LPAR6: variants seen among roughly 807,000 people sequenced by gnomAD.
LPAR6 encodes G-protein coupled purinergic receptor P2Y5.
In LPAR6, 17 loss-of-function variants were observed where a neutral mutation model predicts 22.0. The observed-to-expected ratio is 0.77, with a 90% CI of 0.53 to 1.16. The LOEUF (loss-of-function observed/expected upper bound fraction) is 1.16, where lower values mean the gene tolerates loss of function less well. Ranked by LOEUF, LPAR6 falls within the 50% of genes most tolerant of loss-of-function variation. The pLI is 0.00. For missense variants in LPAR6, 384 were observed against 406.9 expected, an observed-to-expected ratio of 0.94 and a Z score of 0.48; for synonymous variants, 136 against 139.8, an observed-to-expected ratio of 0.97 and a Z score of 0.19.
chr13:48,423,590 A>G (rs981506117), intron 1 of LPAR6, among the ~76,000 whole-genome samples: 11 of 152,248 alleles, frequency 7.2e-5, no homozygotes, highest in Non-Finnish European at 1.5e-4. Flanking sequence ...TCAAAGAGGA[A>G]TCGATTAAAA....
downstream of LPAR6, among the ~76,000 whole-genome samples, chr13:48,410,318 A>G (rs1317996049): frequency 2.0e-5 from 3 of 152,210 alleles, no homozygotes; most frequent in Non-Finnish European, 4.4e-5. Flanking sequence ...AGTTGCCTAC[A>G]GTATTCTTTG....
At chr13:48,433,268 G>A (rs1368882065) in intron 1 of LPAR6, among the ~76,000 whole-genome samples, 2 of 150,106 alleles carry the variant, frequency 1.3e-5, no homozygotes, top group Non-Finnish European at 3.0e-5. Flanking sequence ...AGTATACCTG[G>A]GTAAATATAG....
intron 1 of LPAR6, among the ~76,000 whole-genome samples, chr13:48,433,703 G>C (rs751545561): frequency 4.8e-5 from 6 of 125,826 alleles, no homozygotes; most frequent in Non-Finnish European, 1.7e-5. Context: ...TTTACCTTTA[G>C]TAGGTATGCA....
chr13:48,433,197 T>TA (rs1198291360), intron 1 of LPAR6, among the ~76,000 whole-genome samples: 1 of 152,114 alleles, frequency 6.6e-6, no homozygotes, highest in Non-Finnish European at 1.5e-5. Context: ...TTATTAGAAA[T>TA]AGATTCTTTT....
chr13:48,426,888 ATCAGCTTCTCC>A (rs1566221665), exon 1 of LPAR6: 1 of 152,296 alleles, frequency 6.6e-6, no homozygotes, highest in African/African-American at 2.4e-5. Flanking sequence ...GAAGCATGGC[ATCAGCTTCTCC>A]TCAGCTTCTG....
At chr13:48,389,710 C>A (rs1276008413) in exon 2 of LPAR6, 4 of 152,296 alleles carry the variant, frequency 2.6e-5, no homozygotes, top group African/African-American at 4.8e-5. Flanking sequence ...TGCTTCTTCA[C>A]TCACAGGTCT....
downstream of LPAR6, among the ~76,000 whole-genome samples, chr13:48,410,199 G>A (rs182779618): frequency 6.6e-6 from 1 of 152,260 alleles, no homozygotes; most frequent in African/African-American, 2.4e-5. Flanking sequence ...TAGCATTTTG[G>A]TCAATGACCG....
At chr13:48,396,961 G>A (rs554243350) in intron 1 of LPAR6, among the ~76,000 whole-genome samples, 2 of 152,214 alleles carry the variant, frequency 1.3e-5, no homozygotes, top group Admixed American at 6.5e-5. Context: ...TCTCATGCCA[G>A]TTAGAATGGT....
downstream of LPAR6, among the ~76,000 whole-genome samples, chr13:48,409,570 ATTTTTTTTTTTTTTTTT>A (rs5803435): frequency 3.4e-5 from 2 of 59,668 alleles, no homozygotes; most frequent in Non-Finnish European, 5.8e-5. Flanking sequence ...GAACTGCTTG[ATTTTTTTTTTTTTTTTT>A]TTTTTTTTTT....
chr13:48,397,775 T>TA, intron 1 of LPAR6, among the ~76,000 whole-genome samples: 1 of 152,202 alleles, frequency 6.6e-6, no homozygotes. Context: ...TTGACAAACT[T>TA]ATAAACAAAA....
chr13:48,437,087 CAG>C (rs1949191850), intron 1 of LPAR6, among the ~76,000 whole-genome samples: 2 of 152,172 alleles, frequency 1.3e-5, no homozygotes, highest in Admixed American at 1.3e-4. Flanking sequence ...TCATGTAGAA[CAG>C]ACTTATAGCT....
chr13:48,423,629 C>A (rs893184684), intron 1 of LPAR6, among the ~76,000 whole-genome samples: 1 of 151,748 alleles, frequency 6.6e-6, no homozygotes, highest in Non-Finnish European at 1.5e-5. Context: ...TTAAAAGTTT[C>A]GAAGGCCATA....
chr13:48,414,650 A>G (rs936892045), upstream of LPAR6, among the ~76,000 whole-genome samples: 5 of 144,758 alleles, frequency 3.5e-5, no homozygotes, highest in Non-Finnish European at 7.8e-5. Context: ...TAGCTTAAAA[A>G]TAACTTATTA....
At chr13:48,402,844 A>G (rs1371454919) in intron 1 of LPAR6, among the ~76,000 whole-genome samples, 1 of 152,142 alleles carries the variant, frequency 6.6e-6, no homozygotes, top group Non-Finnish European at 1.5e-5. Context: ...TTTTTGTCCA[A>G]TAATTTTGGC....
chr13:48,424,194 T>C (rs1450642012), intron 1 of LPAR6: 1 of 152,532 alleles, frequency 6.6e-6, no homozygotes, highest in African/African-American at 2.4e-5. Context: ...TGACAGAATA[T>C]ATTTATTTTC....
chr13:48,419,963 G>A (rs1301342996), intron 2 of LPAR6, among the ~76,000 whole-genome samples: 1 of 152,086 alleles, frequency 6.6e-6, no homozygotes, highest in East Asian at 1.9e-4. Flanking sequence ...AGAGGTACAA[G>A]GAGGAGCTGG....
At chr13:48,396,728 A>G (rs1948651582) in intron 1 of LPAR6, among the ~76,000 whole-genome samples, 1 of 152,232 alleles carries the variant, frequency 6.6e-6, no homozygotes, top group Non-Finnish European at 1.5e-5. Flanking sequence ...GAATGGGAGA[A>G]AATTTTTGCA....
chr13:48,440,306 TG>T (rs1309775204), intron 1 of LPAR6, among the ~76,000 whole-genome samples: 1 of 151,988 alleles, frequency 6.6e-6, no homozygotes, highest in Non-Finnish European at 1.5e-5. Context: ...GAGATAGAAG[TG>T]GTTGAAATTT....
In LPAR6 at chr13:48,391,620, A is replaced by AT. The variant is rs1284387748; in HGVS notation, n.115-1809dup. ...TATAAAACAAACAAAAAGCATTTCTATTTTTTTTTTCTTTTTGAGATGGAG... is the reference window on the plus strand; with the variant it reads ...TATAAAACAAACAAAAAGCATTTCTATTTTTTTTTTTCTTTTTGAGATGGAG... On this transcript the variant is annotated intron_variant and non_coding_transcript_variant, in intron 1 of 1. Coordinates refer to the LPAR6 transcript ENST00000462781. The AT allele has an allele frequency of 5.2e-3, 774 of 149,066 alleles. 3 individuals carry two copies. The highest frequency in any genetic ancestry group is 0.018 in the African/African-American group (712 of 40,624). 9.2% of individuals were successfully genotyped at this position (149,066 alleles called of 1,614,324 possible).
Sources: gnomAD v4.1 joint callset for allele counts (sites outside exome capture counted in the v4.1 genomes callset) on GRCh38, gnomAD v4.1.1 for gene constraint, MANE v1.5 for transcripts, NCBI Gene and HGNC (gene_info 2026-07-23, HGNC 2026-07-21) for gene names.